TEKT5: variants seen among roughly 807,000 people sequenced by gnomAD.
TEKT5 encodes tektin-5.
A neutral mutation model predicts 48.7 loss-of-function variants in TEKT5; 52 were observed. That is an observed-to-expected ratio of 1.07 (90% confidence interval 0.86 to 1.35). TEKT5 has a LOEUF of 1.35. Among genes scored for constraint, TEKT5 ranks in the 40% most tolerant of loss-of-function variants. TEKT5 has a pLI of 0.00. For synonymous variants in TEKT5, 318 were observed against 267.6 expected (o/e 1.19, Z -1.84); for missense variants, 831 against 641.6 (o/e 1.30, Z -3.19).
At chr16:10,656,767 G>C (rs1023891513) in intron 5 of TEKT5, among the ~76,000 whole-genome samples, 1 of 152,230 alleles carries the variant, frequency 6.6e-6, no homozygotes, top group East Asian at 1.9e-4. Flanking sequence ...TTGAAACAGG[G>C]TCTTGCTTTG....
chr16:10,647,839 T>C (rs921113761), intron 5 of TEKT5, among the ~76,000 whole-genome samples: 3 of 152,248 alleles, frequency 2.0e-5, no homozygotes, highest in Non-Finnish European at 2.9e-5. Context: ...CAAATGTTCG[T>C]TGAGCACCTA....
chr16:10,694,863 A>G lies in TEKT5; in HGVS notation c.11T>C (p.Leu4Pro). 1 of 1,555,866 alleles carries G rather than the reference A, an allele frequency of 6.4e-7. No individual in the cohort carries two copies. The highest frequency in any genetic ancestry group is 8.7e-7 in the Non-Finnish European group (1 of 1,154,792). Reference protein sequence around the residue: MEFLGTTQTASYCG... With the variant: MEFPGTTQTASYCG... The stretch of plus-strand genomic sequence containing the variant: ...GTAACTGGCGGTCTGAGTAGTCCCA[A>G]GAAACTCCATCCTCCCTCATGAGCC... Residue 4 changes from leucine (L) to proline (P), a missense_variant, in exon 1 of 7, where the codon CTT becomes CCT. Leu to Pro is a moderately conservative substitution (Grantham distance 98). Coordinates refer to ENST00000283025, the MANE Select transcript of TEKT5 (RefSeq NM_144674.2).
At chr16:10,689,403 C>G (rs1898925096) in intron 2 of TEKT5, 80 bp from the exon 3 acceptor site, 1 of 1,276,364 alleles carries the variant, frequency 7.8e-7, no homozygotes, top group East Asian at 2.3e-5. Context: ...CCTCAGCTCT[C>G]CCCTCCCCTC....
At position 10,694,619 on chromosome 16, in the gene TEKT5, G is replaced by A. The variant is rs1320711559; in HGVS notation, c.255C>T (p.Leu85=). 1.2e-6 allele frequency: 2 copies of A among 1,611,762 alleles called. No individual in the cohort carries two copies. The highest frequency in any genetic ancestry group is 1.7e-6 in the Non-Finnish European group (2 of 1,178,832). Residue 85 remains leucine, a synonymous_variant, in exon 1 of 7, where the codon CTC becomes CTT. Coordinates refer to ENST00000283025, the MANE Select transcript of TEKT5 (RefSeq NM_144674.2). ...AGTCGTGGGGGCTATAGCGAGAGAAGAGTGCGGAGCGCAGTGTGGGCAGGA... is the reference window on the plus strand; with the variant it reads ...AGTCGTGGGGGCTATAGCGAGAGAAAAGTGCGGAGCGCAGTGTGGGCAGGA... ...PTILPTLRSA[L]FSRYSPHDWD...
intron 5 of TEKT5, chr16:10,671,641 T>G (rs1018576280): frequency 3.3e-5 from 5 of 152,236 alleles, no homozygotes; most frequent in Non-Finnish European, 4.4e-5. Context: ...TCTGTTCTAA[T>G]GCTGCTGCTA....
chr16:10,675,348 G>C (rs1020613446), intron 5 of TEKT5, among the ~76,000 whole-genome samples: 2 of 152,156 alleles, frequency 1.3e-5, no homozygotes, highest in African/African-American at 4.8e-5. Flanking sequence ...TTTGCATTGA[G>C]CAGGGACTAT....
intron 4 of TEKT5, 139 bp downstream of exon 4, chr16:10,681,854 G>A: frequency 8.5e-7 from 1 of 1,181,818 alleles, no homozygotes; most frequent in Non-Finnish European, 1.2e-6. Context: ...TCTGCCGCCT[G>A]CGCTAGAGGA....
Position 10,694,472 on chromosome 16 carries a change from C to T in TEKT5, c.402G>A (p.Gln134=). 1.2e-6 allele frequency: 2 copies of T among 1,614,096 alleles called. No homozygotes were observed. Among genetic ancestry groups the T allele is most frequent in the Non-Finnish European group, 1.7e-6 (2 of 1,180,000 alleles). ...GGCCCAGGTTCCGGCAGGTGCCCTC[C>T]TGCATCTGGTGCGTCAGCTGGTCCT... ...QDKDQLTHQM[Q]EGTCRNLGQR... is the part of the protein sequence containing the mutation. Residue 134 remains glutamine, a synonymous_variant, in exon 1 of 7, where the codon CAG becomes CAA. Coordinates refer to ENST00000283025, the MANE Select transcript of TEKT5 (RefSeq NM_144674.2).
chr16:10,671,111 T>C (rs1289700446), intron 5 of TEKT5, among the ~76,000 whole-genome samples: 1 of 152,160 alleles, frequency 6.6e-6, no homozygotes, highest in Non-Finnish European at 1.5e-5. Flanking sequence ...ATACTTACAG[T>C]TACCTTTTTA....
intron 4 of TEKT5, among the ~76,000 whole-genome samples, chr16:10,679,167 G>A (rs1898701556): frequency 6.6e-6 from 1 of 152,130 alleles, no homozygotes; most frequent in African/African-American, 2.4e-5. Flanking sequence ...GACAGAGTAA[G>A]CGCCCAAAAA....
At position 10,694,384 on chromosome 16, in the gene TEKT5, T is replaced by A. The variant is rs753095505; in HGVS notation, c.490A>T (p.Thr164Ser). ...ACCGTCTCCAAGTTCTGGTTCTCAGTCAGAAGCCTGTCCAGCTCATAGCTC... is the reference window on the plus strand; with the variant it reads ...ACCGTCTCCAAGTTCTGGTTCTCAGACAGAAGCCTGTCCAGCTCATAGCTC... ...ELSYELDRLL[T>S]ENQNLETVKR... The change falls in exon 1 of 7, where the codon ACT becomes TCT. Residue 164 changes from threonine (T) to serine (S), a missense_variant. By Grantham distance (58) the Thr-to-Ser change is moderately conservative (BLOSUM62 1). Coordinates refer to ENST00000283025, the MANE Select transcript of TEKT5 (RefSeq NM_144674.2). The A allele has an allele frequency of 4.3e-6, 7 of 1,613,920 alleles. No individual in the cohort carries two copies. In the African/African-American group the frequency reaches 9.3e-5, roughly 22 times the overall value.
chr16:10,662,417 G>A (rs985530123), intron 5 of TEKT5, among the ~76,000 whole-genome samples: 4 of 152,168 alleles, frequency 2.6e-5, no homozygotes, highest in Non-Finnish European at 5.9e-5. Flanking sequence ...CAGCAACAAC[G>A]AGGAGGCGGC....
chr16:10,664,341 C>T (rs7194053), intron 5 of TEKT5, among the ~76,000 whole-genome samples: 6 of 151,592 alleles, frequency 4.0e-5, no homozygotes, highest in Non-Finnish European at 7.4e-5. Context: ...ATATACCTAG[C>T]GGGCTTGTTA....
chr16:10,627,895 T>C (rs1294808201), intron 6 of TEKT5, 96 bp from the exon 7 acceptor site: 3 of 1,191,730 alleles, frequency 2.5e-6, no homozygotes, highest in African/African-American at 3.0e-5. Context: ...CAGGCTGGAG[T>C]GCAGTGGCAC....
At chr16:10,669,024 C>T (rs758672824) in intron 5 of TEKT5, among the ~76,000 whole-genome samples, 7 of 152,120 alleles carry the variant, frequency 4.6e-5, no homozygotes, top group South Asian at 2.1e-4. Context: ...TTTCAAGAGA[C>T]GCTGGAAATC....
intron 5 of TEKT5, among the ~76,000 whole-genome samples, chr16:10,663,958 G>A (rs1898417302): frequency 6.6e-6 from 1 of 152,208 alleles, no homozygotes. Flanking sequence ...GCTGTTGAGA[G>A]GCTGTCTGAG....
Position 10,694,911 on chromosome 16 carries a change from A to C in TEKT5, c.-38T>G. 4.9e-4 allele frequency: 741 copies of C among 1,501,046 alleles called. No homozygotes were observed. Among genetic ancestry groups the C allele is most frequent in the Non-Finnish European group, 6.0e-4 (677 of 1,128,328 alleles). The allele number at this position is 1,501,046 out of a possible 1,614,324, so 93.0% of individuals were successfully genotyped here. On this transcript the variant is annotated 5_prime_UTR_variant, in exon 1 of 7. The change abolishes the stop of an existing upstream ORF in the 5' untranslated region. Coordinates refer to ENST00000283025, the MANE Select transcript of TEKT5 (RefSeq NM_144674.2). ...GCCCCACTCGGGCAAAACTCAGCTC[A>C]AGGAGCCAAAGGCATCACCAGGAAA...
intron 5 of TEKT5, among the ~76,000 whole-genome samples, chr16:10,650,470 A>G (rs1052296196): frequency 1.3e-5 from 2 of 151,972 alleles, no homozygotes; most frequent in Admixed American, 6.6e-5. Flanking sequence ...CCTATCGATG[A>G]CTCACACCCA....
chr16:10,655,420 T>A (rs72783717), intron 5 of TEKT5, among the ~76,000 whole-genome samples: 3,067 of 152,340 alleles, frequency 0.02, 55 homozygotes, highest in Middle Eastern at 0.034. Context: ...AGTATTTTTT[T>A]AAAATTATGA....
Sources: gnomAD v4.1 joint callset for allele counts (sites outside exome capture counted in the v4.1 genomes callset) on GRCh38, gnomAD v4.1.1 for gene constraint, MANE v1.5 for transcripts, NCBI Gene and HGNC (gene_info 2026-07-23, HGNC 2026-07-21) for gene names.